Variants in GDA observed in about 807,000 individuals in gnomAD.
GDA encodes the protein guanine deaminase.
A neutral mutation model predicts 59.6 loss-of-function variants in GDA; 18 were observed. The ratio of observed to expected loss-of-function variants is 0.30; its 90% CI spans 0.21 to 0.45. The LOEUF is 0.45. GDA is among the 20% of genes least tolerant of loss of function. The probability of loss-of-function intolerance (pLI) is 1.00; values close to 1 mark genes in which losing one functional copy is unlikely to be tolerated. For missense variants in GDA, 427 were observed against 552.3 expected (o/e 0.77, Z 2.27); for synonymous variants, 201 against 201.1 (o/e 1.00, Z 0.00).
At chr9:72,219,328 G>C (rs879475523) in intron 5 of GDA, 151 bp from the exon 6 acceptor site, 41 of 535,808 alleles carry the variant, frequency 7.7e-5, no homozygotes, top group Non-Finnish European at 1.3e-4. Flanking sequence ...GCGTGAACCC[G>C]GGAGGCGGAG....
rs73650311 is a variant in GDA at position 72,218,934 on chromosome 9, A to G, written c.579-545A>G. Among the ~76,000 whole-genome samples the G allele has an allele frequency of 1.7e-3, 262 of 152,332 alleles. 2 individuals carry two copies. Among genetic ancestry groups the G allele is most frequent in the African/African-American group, 6.0e-3 (251 of 41,568 alleles). Reference sequence around the variant, plus strand: ...AGAACAGCCCGACCGATGCTAGATGATAACATTACGTTTCCCTGTGATTTT... The same window carrying G: ...AGAACAGCCCGACCGATGCTAGATGGTAACATTACGTTTCCCTGTGATTTT... On this transcript the variant is annotated intron_variant, in intron 5 of 13. Transcript: ENST00000358399.
At chr9:72,168,241 C>CA (rs1181442880) in intron 1 of GDA, among the ~76,000 whole-genome samples, 2 of 151,832 alleles carry the variant, frequency 1.3e-5, no homozygotes, top group East Asian at 1.9e-4. Flanking sequence ...ACAAAACAAA[C>CA]AAAAAAACAC....
intron 5 of GDA, among the ~76,000 whole-genome samples, chr9:72,216,604 A>G (rs1205085635): frequency 1.3e-5 from 2 of 152,244 alleles, no homozygotes; most frequent in East Asian, 1.9e-4. Flanking sequence ...TTTAATTGAT[A>G]TGAAATGTAT....
chr9:72,118,114 T>C (rs1771429991), intron 1 of GDA, among the ~76,000 whole-genome samples: 2 of 151,078 alleles, frequency 1.3e-5, no homozygotes, highest in African/African-American at 4.9e-5. Flanking sequence ...CCACTAAAAA[T>C]ACAAAAAATT....
intron 1 of GDA, among the ~76,000 whole-genome samples, chr9:72,116,325 TGCC>T (rs1807473973): frequency 6.6e-6 from 1 of 151,936 alleles, no homozygotes; most frequent in South Asian, 2.1e-4. Context: ...CACCTTACAA[TGCC>T]TACTGACCAC....
At chr9:72,181,421 G>C (rs189176820) in intron 1 of GDA, among the ~76,000 whole-genome samples, 1 of 152,134 alleles carries the variant, frequency 6.6e-6, no homozygotes, top group Non-Finnish European at 1.5e-5. Context: ...CACCTCCTGG[G>C]TTCAAGCAAT....
intron 1 of GDA, among the ~76,000 whole-genome samples, chr9:72,127,838 A>T (rs1333862462): frequency 1.3e-5 from 2 of 152,172 alleles, no homozygotes; most frequent in Non-Finnish European, 2.9e-5. Context: ...AGGTGTTGTC[A>T]CTATGAACTG....
At chr9:72,241,041 T>TA (rs5898250) in intron 10 of GDA, 111 bp from the exon 11 acceptor site, 97,378 of 671,798 alleles carry the variant, frequency 0.14, 8,251 homozygotes, top group Middle Eastern at 0.25. Flanking sequence ...AAGAGCTTTT[T>TA]AAAAAAAGTA....
intron 6 of GDA, among the ~76,000 whole-genome samples, chr9:72,222,557 C>G (rs1357288797): frequency 6.6e-6 from 1 of 152,136 alleles, no homozygotes. Flanking sequence ...TGCAGAAGCT[C>G]TTTAGTTTAA....
At chr9:72,173,948 G>T (rs1830269693) in intron 1 of GDA, among the ~76,000 whole-genome samples, 1 of 152,064 alleles carries the variant, frequency 6.6e-6, no homozygotes, top group Non-Finnish European at 1.5e-5. Flanking sequence ...TCTCTACACT[G>T]GTTGATGCCC....
rs747764397 is a variant in GDA at position 72,149,721 on chromosome 9, G to C, written c.123+39G>C. On this transcript the variant is annotated intron_variant, in intron 1 of 13. Transcript: ENST00000358399. ...GGGTCGAGCGCACTCCGACGGGCGG[G>C]AGGATAGGTGCAAGGAACCTGGCGC... The C allele has an allele frequency of 3.8e-6, 6 of 1,558,882 alleles. No homozygotes were observed. In the Admixed American group the frequency reaches 7.7e-5, roughly 20 times the overall value.
intron 11 of GDA, among the ~76,000 whole-genome samples, chr9:72,241,839 AG>A (rs1839645797): frequency 1.3e-5 from 2 of 152,164 alleles, no homozygotes; most frequent in African/African-American, 4.8e-5. Flanking sequence ...GGCTGCAGTG[AG>A]CAGTGATTGT....
In GDA at chr9:72,129,170, C is replaced by T. The variant is rs537080987; in HGVS notation, c.-100+14337C>T. On this transcript the variant is annotated intron_variant, in intron 1 of 13. Coordinates refer to the GDA transcript ENST00000545168. ...TACAGATGGGGTTTTGCCATGTTGA[C>T]TAGGCTGGTCTTGAAATCCTGACCT... Among the ~76,000 whole-genome samples the T allele has an allele frequency of 1.3e-4, 20 of 152,290 alleles. No homozygotes were observed. In the East Asian group the frequency reaches 3.9e-3, roughly 29 times the overall value.
At chr9:72,224,133 C>T (rs1587713452) in intron 7 of GDA, among the ~76,000 whole-genome samples, 1 of 151,998 alleles carries the variant, frequency 6.6e-6, no homozygotes, top group Non-Finnish European at 1.5e-5. Flanking sequence ...ATGCTTCTGT[C>T]GCCGACAAAA....
At chr9:72,146,157 T>C (rs1430067385), upstream of GDA, among the ~76,000 whole-genome samples, 6 of 111,398 alleles carry the variant, frequency 5.4e-5, no homozygotes, top group Non-Finnish European at 1.9e-5. Flanking sequence ...GTTGGGGGAG[T>C]GGGTGGGACA....
At position 72,230,704 on chromosome 9, in the gene GDA, A is replaced by G. The variant is rs554341144; in HGVS notation, c.921-410A>G. 3.3e-5 allele frequency among the ~76,000 whole-genome samples: 5 copies of G among 152,228 alleles called. No homozygotes were observed. In the East Asian group the frequency reaches 7.7e-4, roughly 24 times the overall value. On this transcript the variant is annotated intron_variant, in intron 9 of 13. Transcript: ENST00000358399. ...CTTAAAGTCACTACTCATTCAGGGT[A>G]ACAAATTATTCCAGGCAGAGAGAAT...
intron 4 of GDA, among the ~76,000 whole-genome samples, chr9:72,212,025 G>A (rs962901527): frequency 1.3e-5 from 2 of 152,198 alleles, no homozygotes; most frequent in Non-Finnish European, 2.9e-5. Context: ...TTATGACAGA[G>A]ATGGAGACAC....
intron 3 of GDA, 72 bp downstream of exon 3, chr9:72,202,814 T>C (rs1056653468): frequency 6.7e-5 from 80 of 1,201,514 alleles, no homozygotes; most frequent in Non-Finnish European, 8.8e-5. Context: ...TAGGACAGAT[T>C]TAAATTATAA....
At chr9:72,254,243 C>A (rs1840837111), downstream of GDA, among the ~76,000 whole-genome samples, 1 of 152,174 alleles carries the variant, frequency 6.6e-6, no homozygotes, top group African/African-American at 2.4e-5. Flanking sequence ...TAACCTACTA[C>A]CACATCATTG....
Sources: allele counts gnomAD v4.1 joint callset (sites outside exome capture counted in the v4.1 genomes callset), GRCh38; gene constraint gnomAD v4.1.1; transcripts MANE v1.5; gene names NCBI Gene and HGNC (gene_info 2026-07-23, HGNC 2026-07-21).